The following DOCK2 variants were observed in gnomAD, a reference collection of about 807,000 sequenced individuals.
DOCK2 encodes the protein dedicator of cytokinesis 2, also known as dedicator of cytokinesis protein 2.
In DOCK2, 87 loss-of-function variants were observed where a neutral mutation model predicts 248.9. The ratio of observed to expected loss-of-function variants is 0.35; its 90% confidence interval spans 0.29 to 0.42. The LOEUF is 0.42. Among genes scored for constraint, DOCK2 ranks in the 10% least tolerant of loss-of-function variants. The pLI, the probability that DOCK2 is intolerant of heterozygous loss-of-function variation, is 1.00. For synonymous variants in DOCK2, 805 were observed against 821.6 expected (o/e 0.98, Z 0.35); for missense variants, 1,747 against 2,300.2 (o/e 0.76, Z 4.92).
At chr5:169,681,078 T>A in intron 6 of DOCK2, among the ~76,000 whole-genome samples, 1 of 149,984 alleles carries the variant, frequency 6.7e-6, no homozygotes, top group African/African-American at 2.4e-5. Context: ...TATAGATAGA[T>A]CACTGTTGAT....
intron 37 of DOCK2, 117 bp from the exon 38 acceptor site, chr5:170,041,896 G>T (rs1756530567): frequency 4.0e-6 from 5 of 1,261,034 alleles, no homozygotes; most frequent in South Asian, 1.5e-5. Context: ...GAAAGGAGGA[G>T]AGATGGAAAG....
chr5:169,861,470 A>C (rs1771191277), intron 27 of DOCK2, among the ~76,000 whole-genome samples: 1 of 152,232 alleles, frequency 6.6e-6, no homozygotes, highest in Non-Finnish European at 1.5e-5. Flanking sequence ...TTGCTTTTTA[A>C]ACTACAGAGA....
chr5:169,725,691 G>C (rs1035223620), intron 22 of DOCK2, among the ~76,000 whole-genome samples: 11 of 149,814 alleles, frequency 7.3e-5, no homozygotes, highest in Non-Finnish European at 1.5e-4. Flanking sequence ...GGTGTGTGAT[G>C]TTCCCCACCA....
intron 1 of DOCK2, among the ~76,000 whole-genome samples, chr5:169,653,667 A>G (rs543139044): frequency 2.6e-5 from 4 of 152,296 alleles, no homozygotes; most frequent in East Asian, 3.9e-4. Flanking sequence ...TGTGGCCCCC[A>G]TGCATGGCTC....
intron 45 of DOCK2, among the ~76,000 whole-genome samples, chr5:170,068,811 AG>A (rs1378371234): frequency 6.6e-6 from 1 of 152,138 alleles, no homozygotes; most frequent in Non-Finnish European, 1.5e-5. Flanking sequence ...CCACCCCCAG[AG>A]TTTCTGATTC....
At chr5:169,692,028 T>C (rs1317791076) in intron 9 of DOCK2, among the ~76,000 whole-genome samples, 1 of 151,936 alleles carries the variant, frequency 6.6e-6, no homozygotes, top group African/African-American at 2.4e-5. Flanking sequence ...ACTAATTTTT[T>C]GTATTTTAGT....
intron 44 of DOCK2, 26 bp from the exon 45 acceptor site, chr5:170,067,481 TTTC>T: frequency 6.2e-7 from 1 of 1,601,258 alleles, no homozygotes; most frequent in Non-Finnish European, 8.5e-7. Flanking sequence ...ACTAAGGCCC[TTTC>T]TTCTTGGTGA....
At chr5:169,970,420 G>A (rs1561858280) in intron 27 of DOCK2, among the ~76,000 whole-genome samples, 1 of 152,228 alleles carries the variant, frequency 6.6e-6, no homozygotes. Context: ...ATAAGGCTGG[G>A]AAAGAACAAT....
At chr5:169,688,666 G>A (rs745369267) in intron 8 of DOCK2, among the ~76,000 whole-genome samples, 4 of 152,190 alleles carry the variant, frequency 2.6e-5, no homozygotes, top group Middle Eastern at 3.4e-3. Flanking sequence ...TCAGATTAAG[G>A]GTGCTTAGCC....
chr5:170,070,042 C>A (rs780995709), intron 46 of DOCK2, among the ~76,000 whole-genome samples: 1 of 152,192 alleles, frequency 6.6e-6, no homozygotes, highest in African/African-American at 2.4e-5. Context: ...TCGGCTAGAT[C>A]CCTCTCATAG....
chr5:169,913,353 A>G (rs958209000), intron 27 of DOCK2, among the ~76,000 whole-genome samples: 1 of 152,110 alleles, frequency 6.6e-6, no homozygotes, highest in Non-Finnish European at 1.5e-5. Context: ...CTATGGCTAG[A>G]ACTATATAGA....
rs1041570996 is a variant in DOCK2 at position 169,798,803 on chromosome 5, G to A, written c.2555-4255G>A. Among the ~76,000 whole-genome samples, 5 of 152,324 alleles carry A rather than the reference G, an allele frequency of 3.3e-5. No homozygotes were observed. The East Asian group carries it at 9.6e-4, about 29-fold the overall frequency. ...GACTGACTGAAAGAGTCAGTTAAAT[G>A]TGTGAATGGGTTAGCTCTTGATCTG... On this transcript the variant is annotated intron_variant, in intron 25 of 51. Coordinates refer to ENST00000520908, the MANE Select transcript of DOCK2 (RefSeq NM_004946.3).
At chr5:169,986,195 T>G (rs1387351071) in intron 29 of DOCK2, among the ~76,000 whole-genome samples, 1 of 152,214 alleles carries the variant, frequency 6.6e-6, no homozygotes, top group Non-Finnish European at 1.5e-5. Context: ...CAGGAGATCT[T>G]AGAAAAGCAT....
intron 5 of DOCK2, among the ~76,000 whole-genome samples, chr5:169,671,845 T>A (rs1393558042): frequency 1.3e-5 from 2 of 152,230 alleles, no homozygotes. Context: ...TGGTCTTAAA[T>A]GTTGACTCCC....
chr5:169,998,895 G>C (rs1754738260), intron 30 of DOCK2, among the ~76,000 whole-genome samples: 1 of 152,206 alleles, frequency 6.6e-6, no homozygotes, highest in Admixed American at 6.5e-5. Context: ...AAATGTGGCT[G>C]AGAGGCCTGC....
At chr5:169,787,167 C>T (rs534107349) in intron 25 of DOCK2, among the ~76,000 whole-genome samples, 16 of 152,322 alleles carry the variant, frequency 1.1e-4, no homozygotes, top group Admixed American at 5.9e-4. Flanking sequence ...GCACTCTGCT[C>T]ACCGTTGTCT....
chr5:170,016,946 G>A (rs1388454126), intron 32 of DOCK2, among the ~76,000 whole-genome samples: 4 of 152,116 alleles, frequency 2.6e-5, no homozygotes, highest in Admixed American at 2.6e-4. Context: ...AAGACTCTGA[G>A]GCTTAAGTGT....
chr5:170,026,724 T>G (rs1755930997), intron 33 of DOCK2, among the ~76,000 whole-genome samples: 1 of 152,178 alleles, frequency 6.6e-6, no homozygotes, highest in Non-Finnish European at 1.5e-5. Flanking sequence ...GTGAAATGCT[T>G]CTTAACATGG....
intron 46 of DOCK2, chr5:170,075,448 T>A (rs1757804137): frequency 1.9e-5 from 3 of 153,930 alleles, no homozygotes; most frequent in Admixed American, 1.3e-4. Context: ...TCAGCAGCTG[T>A]ATGAAGTGCA....
Sources: gnomAD v4.1 joint callset for allele counts (sites outside exome capture counted in the v4.1 genomes callset) on GRCh38, gnomAD v4.1.1 for gene constraint, MANE v1.5 for transcripts, NCBI Gene and HGNC (gene_info 2026-07-23, HGNC 2026-07-21) for gene names.